Variants in TMTC4 observed in about 807,000 individuals in gnomAD.
The protein encoded by TMTC4 is protein O-mannosyl-transferase TMTC4.
A neutral mutation model predicts 86.0 loss-of-function variants in TMTC4; 65 were observed. That is an observed-to-expected ratio of 0.76 (90% CI 0.62 to 0.93). TMTC4 has a LOEUF of 0.93. TMTC4 is among the 40% of genes least tolerant of loss of function. TMTC4 has a pLI of 0.00. For missense variants in TMTC4, 866 were observed against 948.1 expected (o/e 0.91, Z 1.14); for synonymous variants, 379 against 382.5 (o/e 0.99, Z 0.11).
chr13:100,637,377 A>G (rs1566601304), intron 9 of TMTC4, among the ~76,000 whole-genome samples, 161 bp downstream of exon 9: 1 of 152,186 alleles, frequency 6.6e-6, no homozygotes, highest in Non-Finnish European at 1.5e-5. Flanking sequence ...ACCTGCTTTC[A>G]TCCCAGAACA....
At chr13:100,674,494 C>G (rs938176659) in intron 1 of TMTC4, 1 of 751,688 alleles carries the variant, frequency 1.3e-6, no homozygotes, top group Non-Finnish European at 1.6e-6. Context: ...GCGCGGCGGG[C>G]GGGGCGCGCA....
At chr13:100,670,206 T>C (rs1594389727) in intron 2 of TMTC4, 154 bp downstream of exon 2, 1 of 706,592 alleles carries the variant, frequency 1.4e-6, no homozygotes, top group Non-Finnish European at 2.2e-6. Flanking sequence ...GAAGGCAGTT[T>C]GGATGTATTT....
At chr13:100,617,672 C>G (rs1381621676) in intron 15 of TMTC4, among the ~76,000 whole-genome samples, 1 of 152,162 alleles carries the variant, frequency 6.6e-6, no homozygotes, top group Non-Finnish European at 1.5e-5. Flanking sequence ...TCTGGGTTCT[C>G]TATTCTGTTC....
chr13:100,616,231 T>A (rs1034217505), intron 15 of TMTC4, among the ~76,000 whole-genome samples: 12 of 152,102 alleles, frequency 7.9e-5, no homozygotes, highest in Non-Finnish European at 1.8e-4. Flanking sequence ...TGAGATGCAG[T>A]CTTGCTCTGT....
At chr13:100,668,010 C>A (rs1007849684) in intron 3 of TMTC4, among the ~76,000 whole-genome samples, 1 of 152,218 alleles carries the variant, frequency 6.6e-6, no homozygotes, top group African/African-American at 2.4e-5. Context: ...TCTGCAAGTT[C>A]AGCAACACCG....
chr13:100,650,288 A>G (rs1035487125), intron 6 of TMTC4, among the ~76,000 whole-genome samples: 4 of 152,224 alleles, frequency 2.6e-5, no homozygotes, highest in African/African-American at 9.6e-5. Context: ...AGGTAAATGG[A>G]GGCAAAGGCT....
chr13:100,620,552 C>G (rs140179267), intron 15 of TMTC4, among the ~76,000 whole-genome samples: 2 of 152,192 alleles, frequency 1.3e-5, no homozygotes, highest in African/African-American at 4.8e-5. Context: ...TCCAATGAGT[C>G]TAACCAATTC....
intron 3 of TMTC4, among the ~76,000 whole-genome samples, chr13:100,667,801 G>A (rs1474287468): frequency 6.6e-6 from 1 of 152,124 alleles, no homozygotes; most frequent in East Asian, 1.9e-4. Flanking sequence ...TCTAACTTGT[G>A]CCATTTCCGA....
chr13:100,660,832 T>C (rs957979544), intron 5 of TMTC4, among the ~76,000 whole-genome samples: 10 of 152,112 alleles, frequency 6.6e-5, no homozygotes, highest in African/African-American at 2.4e-4. Context: ...TTTTGTATTT[T>C]TAGTAGAGAC....
intron 15 of TMTC4, among the ~76,000 whole-genome samples, chr13:100,619,894 G>C (rs1879218719): frequency 6.6e-6 from 1 of 152,138 alleles, no homozygotes; most frequent in South Asian, 2.1e-4. Flanking sequence ...AACACACCTA[G>C]AACAACCAAC....
At chr13:100,647,559 GT>G (rs1053856032) in intron 6 of TMTC4, among the ~76,000 whole-genome samples, 8 of 152,094 alleles carry the variant, frequency 5.3e-5, no homozygotes, top group Non-Finnish European at 1.2e-4. Flanking sequence ...TCAAAAGCAA[GT>G]TCCTTGATTT....
chr13:100,647,894 A>G (rs899737014), intron 6 of TMTC4, among the ~76,000 whole-genome samples: 2 of 152,222 alleles, frequency 1.3e-5, no homozygotes, highest in Non-Finnish European at 1.5e-5. Flanking sequence ...CACAGCCTTC[A>G]GGTTTACTGA....
chr13:100,606,510 CA>C, intron 17 of TMTC4, 83 bp from the exon 18 acceptor site: 1 of 1,172,974 alleles, frequency 8.5e-7, no homozygotes, highest in East Asian at 2.5e-5. Context: ...CTACGGTTTT[CA>C]AACTTTTAAC....
chr13:100,628,275 T>C (rs961389025), intron 12 of TMTC4, among the ~76,000 whole-genome samples: 2 of 152,212 alleles, frequency 1.3e-5, no homozygotes, highest in Admixed American at 6.5e-5. Flanking sequence ...ACGTGCCTCA[T>C]GTAAGTGGAA....
At chr13:100,646,530 T>C (rs917773062) in intron 6 of TMTC4, among the ~76,000 whole-genome samples, 2 of 152,192 alleles carry the variant, frequency 1.3e-5, no homozygotes, top group Admixed American at 6.5e-5. Context: ...GGATTAATTT[T>C]CAAACCACAG....
rs181331407 is a variant in TMTC4, at chr13:100,670,482, G to C, written c.-120C>G. The C allele has an allele frequency of 9.0e-5, 94 of 1,041,638 alleles. No individual in the cohort carries two copies. In the Admixed American group the frequency reaches 2.5e-3, roughly 28 times the overall value. The allele number at this position is 1,041,638 out of a possible 1,614,324, so 64.5% of individuals were successfully genotyped here. ...CTCGAGCCTCACAGCCTGGCATACG[G>C]CATGCTCTCAGCAAGTGCTGGGGGA... On this transcript the variant is annotated 5_prime_UTR_variant, in exon 2 of 19. Transcript: ENST00000342624.
intron 15 of TMTC4, among the ~76,000 whole-genome samples, chr13:100,617,655 C>T (rs191786757): frequency 1.3e-3 from 198 of 152,198 alleles, no homozygotes; most frequent in Non-Finnish European, 2.5e-3. Context: ...AGATGTGTGG[C>T]TTTATTTCTG....
intron 3 of TMTC4, chr13:100,668,340 C>T: frequency 1.9e-6 from 1 of 526,500 alleles, no homozygotes; most frequent in South Asian, 2.2e-5. Context: ...CATATGTGGA[C>T]TGGAGCTCTT....
intron 6 of TMTC4, among the ~76,000 whole-genome samples, chr13:100,655,014 C>CTTTTT (rs1594349349): frequency 9.3e-6 from 1 of 107,448 alleles, no homozygotes; most frequent in Admixed American, 1.2e-4. Context: ...GCCACAACGC[C>CTTTTT]TATTTTTTTT....
Sources: gnomAD v4.1 joint callset for allele counts (sites outside exome capture counted in the v4.1 genomes callset) on GRCh38, gnomAD v4.1.1 for gene constraint, MANE v1.5 for transcripts, NCBI Gene and HGNC (gene_info 2026-07-23, HGNC 2026-07-21) for gene names.